WWOX: variants seen among roughly 807,000 people sequenced by gnomAD.
The protein encoded by WWOX is WW domain-containing oxidoreductase.
WWOX carries 69 observed loss-of-function variants against 46.2 expected under a neutral mutation model. The observed-to-expected ratio is 1.49, with a 90% CI of 1.23 to 1.82. WWOX has a LOEUF of 1.82. Among genes scored for constraint, WWOX ranks in the 40% most tolerant of loss-of-function variants. WWOX has a pLI of 0.00. For missense variants in WWOX, 919 were observed against 542.6 expected, an observed-to-expected ratio of 1.69 and a Z score of -6.89; for synonymous variants, 359 against 202.6, an observed-to-expected ratio of 1.77 and a Z score of -6.56.
intron 8 of WWOX, among the ~76,000 whole-genome samples, chr16:78,924,752 T>C (rs1597157734): frequency 6.6e-6 from 1 of 152,264 alleles, no homozygotes; most frequent in East Asian, 1.9e-4. Flanking sequence ...GCTTCCTATA[T>C]GATGTCTTCT....
At chr16:79,159,141 G>T (rs554072657) in intron 8 of WWOX, among the ~76,000 whole-genome samples, 1 of 152,120 alleles carries the variant, frequency 6.6e-6, no homozygotes, top group African/African-American at 2.4e-5. Context: ...TGCCTTAAAA[G>T]TGAATAAAAT....
rs80069391 is a variant in WWOX, at chr16:78,518,649, T to G, written c.1056+85897T>G. Among the ~76,000 whole-genome samples the G allele has an allele frequency of 7.6e-3, 1,165 of 152,318 alleles. 24 individuals carry two copies. In the East Asian group the frequency reaches 0.077, roughly 10 times the overall value. Reference sequence around the variant, plus strand: ...TTACTGGGCATCTAGATTTCATTTATTTAAGAACTTTTTATTGAATGCCGA... The same window carrying G: ...TTACTGGGCATCTAGATTTCATTTAGTTAAGAACTTTTTATTGAATGCCGA... On this transcript the variant is annotated intron_variant, in intron 8 of 8. Transcript: ENST00000566780.
chr16:78,291,746 T>G (rs1047006913), intron 5 of WWOX, among the ~76,000 whole-genome samples: 3 of 152,156 alleles, frequency 2.0e-5, no homozygotes, highest in African/African-American at 7.2e-5. Context: ...ATTAGCACTT[T>G]ATCAAGTTTG....
chr16:79,186,859 C>G (rs1274964235), intron 8 of WWOX, among the ~76,000 whole-genome samples: 1 of 152,094 alleles, frequency 6.6e-6, no homozygotes, highest in Non-Finnish European at 1.5e-5. Context: ...TCTCCCATCC[C>G]CCAGCCAGTT....
At chr16:78,428,630 A>G (rs201175839) in intron 7 of WWOX, among the ~76,000 whole-genome samples, 1 of 152,332 alleles carries the variant, frequency 6.6e-6, no homozygotes, top group Non-Finnish European at 1.5e-5. Flanking sequence ...CTCCTCTTAG[A>G]CATTTAATTC....
chr16:78,973,484 C>G (rs1451167153), intron 8 of WWOX, among the ~76,000 whole-genome samples: 5 of 152,190 alleles, frequency 3.3e-5, no homozygotes, highest in Non-Finnish European at 1.5e-5. Context: ...CTGATTTCTT[C>G]AAACATCTCT....
intron 8 of WWOX, among the ~76,000 whole-genome samples, chr16:78,498,538 C>T (rs9930228): frequency 0.84 from 127,208 of 151,786 alleles, 55,546 homozygotes; most frequent in Non-Finnish European, 0.96. Context: ...TGACAGAGAC[C>T]GAGAAAGTGC....
chr16:78,495,616 C>G (rs984774918), intron 8 of WWOX, among the ~76,000 whole-genome samples: 3 of 151,316 alleles, frequency 2.0e-5, no homozygotes, highest in Admixed American at 6.6e-5. Flanking sequence ...TCAAGTGACT[C>G]TCTTGCCTCA....
At chr16:79,140,635 A>G (rs1251291072) in intron 8 of WWOX, among the ~76,000 whole-genome samples, 1 of 152,230 alleles carries the variant, frequency 6.6e-6, no homozygotes, top group South Asian at 2.1e-4. Flanking sequence ...GTAATTAAGA[A>G]GCAAGAAGCG....
intron 8 of WWOX, among the ~76,000 whole-genome samples, chr16:79,049,825 A>T (rs1405192746): frequency 2.1e-5 from 3 of 139,736 alleles, no homozygotes; most frequent in Non-Finnish European, 3.1e-5. Flanking sequence ...ACAGAGTGAG[A>T]CTCTGTCTCA....
At chr16:78,647,926 A>G (rs183655631) in intron 8 of WWOX, among the ~76,000 whole-genome samples, 199 of 152,358 alleles carry the variant, frequency 1.3e-3, no homozygotes, top group African/African-American at 4.7e-3. Flanking sequence ...AGGCAACATT[A>G]GTAATCAACT....
At chr16:78,508,637 T>G (rs942801219) in intron 8 of WWOX, among the ~76,000 whole-genome samples, 1 of 152,144 alleles carries the variant, frequency 6.6e-6, no homozygotes, top group African/African-American at 2.4e-5. Context: ...TGTTGCTCAT[T>G]TTTGATAAGT....
At chr16:78,245,250 T>G (rs1441243878) in intron 5 of WWOX, among the ~76,000 whole-genome samples, 1 of 152,226 alleles carries the variant, frequency 6.6e-6, no homozygotes, top group Non-Finnish European at 1.5e-5. Context: ...AGTAAACCAA[T>G]GAGAGGAACC....
intron 4 of WWOX, among the ~76,000 whole-genome samples, chr16:78,119,779 A>G (rs1037352548): frequency 2.0e-5 from 3 of 152,134 alleles, no homozygotes; most frequent in African/African-American, 7.2e-5. Context: ...ATTAGCAAGT[A>G]TGAACAAATT....
intron 8 of WWOX, among the ~76,000 whole-genome samples, chr16:78,991,867 C>G (rs1282236903): frequency 6.6e-6 from 1 of 152,152 alleles, no homozygotes; most frequent in Non-Finnish European, 1.5e-5. Context: ...CCATGTGGGG[C>G]CCTGTGGTCT....
At chr16:78,431,588 T>C (rs2083218271) in intron 7 of WWOX, among the ~76,000 whole-genome samples, 2 of 152,160 alleles carry the variant, frequency 1.3e-5, no homozygotes, top group Admixed American at 6.5e-5. Flanking sequence ...CTGTTGAAGG[T>C]TTTGAAAAAT....
At chr16:78,908,432 C>T (rs966479545) in intron 8 of WWOX, among the ~76,000 whole-genome samples, 8 of 151,140 alleles carry the variant, frequency 5.3e-5, no homozygotes, top group African/African-American at 1.5e-4. Context: ...CCTAGCTAGT[C>T]GGGAGGCAGA....
chr16:78,924,736 T>C (rs1451635675), intron 8 of WWOX, among the ~76,000 whole-genome samples: 2 of 152,270 alleles, frequency 1.3e-5, no homozygotes, highest in Non-Finnish European at 2.9e-5. Context: ...CTGGTCATTC[T>C]GTAGAGCTTC....
chr16:79,051,314 A>T (rs577255697), intron 8 of WWOX, among the ~76,000 whole-genome samples: 1 of 152,324 alleles, frequency 6.6e-6, no homozygotes, highest in Admixed American at 6.5e-5. Flanking sequence ...CTAAGTGTGC[A>T]ATGCTTTAAA....
Sources: allele counts gnomAD v4.1 joint callset (sites outside exome capture counted in the v4.1 genomes callset), GRCh38; gene constraint gnomAD v4.1.1; transcripts MANE v1.5; gene names NCBI Gene and HGNC (gene_info 2026-07-23, HGNC 2026-07-21).